Variants in EPHA7 observed in about 807,000 individuals in gnomAD.
EPHA7 encodes the protein ephrin type-A receptor 7.
A neutral mutation model predicts 112.6 loss-of-function variants in EPHA7; 25 were observed. The observed-to-expected ratio is 0.22, with a 90% confidence interval of 0.16 to 0.31. The LOEUF (loss-of-function observed/expected upper bound fraction) is 0.31, where lower values mean the gene tolerates loss of function less well. Ranked by LOEUF, EPHA7 falls within the 10% of genes least tolerant of loss-of-function variation. EPHA7 has a pLI of 1.00. For missense variants in EPHA7, 962 were observed against 1,212.6 expected (o/e 0.79, Z 3.07); for synonymous variants, 437 against 406.5 (o/e 1.07, Z -0.90).
At chr6:93,311,163 G>A (rs930031319) in intron 5 of EPHA7, among the ~76,000 whole-genome samples, 1 of 118,946 alleles carries the variant, frequency 8.4e-6, no homozygotes, top group Non-Finnish European at 1.6e-5. Flanking sequence ...AACATCTCAC[G>A]ATGTTACTCA....
intron 8 of EPHA7, among the ~76,000 whole-genome samples, 198 bp downstream of exon 8, chr6:93,264,396 C>T (rs1204270277): frequency 6.6e-6 from 1 of 151,456 alleles, no homozygotes; most frequent in Non-Finnish European, 1.5e-5. Flanking sequence ...TACTCATTCT[C>T]TTTAAATGAA....
At position 93,296,703 on chromosome 6, in the gene EPHA7, GA is replaced by G. The variant is rs145555803; in HGVS notation, c.1325-24282del. On this transcript the variant is annotated intron_variant, in intron 5 of 16. Coordinates refer to ENST00000369303, the MANE Select transcript of EPHA7 (RefSeq NM_004440.4). Reference sequence around the variant, plus strand: ...TTACCAGGGATAAGAAGGGGGTGAGGAGAAAATGGCATGATGCAGGTCAGAG... The same window carrying G: ...TTACCAGGGATAAGAAGGGGGTGAGGGAAAATGGCATGATGCAGGTCAGAG... 8.6e-5 allele frequency among the ~76,000 whole-genome samples: 13 copies of G among 151,670 alleles called. No individual in the cohort carries two copies. In the East Asian group the frequency reaches 2.5e-3, roughly 29 times the overall value.
At chr6:93,324,663 G>A (rs1774230523) in intron 5 of EPHA7, among the ~76,000 whole-genome samples, 1 of 151,388 alleles carries the variant, frequency 6.6e-6, no homozygotes, top group Non-Finnish European at 1.5e-5. Flanking sequence ...GCAAGTAGGG[G>A]AATTCCATTC....
intron 5 of EPHA7, among the ~76,000 whole-genome samples, chr6:93,297,592 G>A (rs1562078228): frequency 6.6e-6 from 1 of 151,978 alleles, no homozygotes; most frequent in Non-Finnish European, 1.5e-5. Flanking sequence ...CTGTATAGCC[G>A]TTCTAAACCA....
At chr6:93,257,967 A>T in intron 11 of EPHA7, 132 bp downstream of exon 11, 1 of 815,292 alleles carries the variant, frequency 1.2e-6, no homozygotes, top group Non-Finnish European at 1.8e-6. Context: ...TTTTTTGATT[A>T]GTTACATACC....
At chr6:93,243,570 G>T (rs1286521822) in intron 16 of EPHA7, 30 bp from the exon 17 acceptor site, 1 of 1,458,106 alleles carries the variant, frequency 6.9e-7, no homozygotes, top group Non-Finnish European at 9.6e-7. Context: ...TTTTTATTAG[G>T]TACCTTACAA....
intron 5 of EPHA7, among the ~76,000 whole-genome samples, chr6:93,325,638 A>G (rs1437210633): frequency 1.3e-5 from 2 of 151,394 alleles, no homozygotes; most frequent in Non-Finnish European, 3.0e-5. Flanking sequence ...AAAAATTCCA[A>G]CAAAATGAAC....
intron 10 of EPHA7, among the ~76,000 whole-genome samples, chr6:93,258,784 T>G (rs1460468471): frequency 6.6e-6 from 1 of 150,874 alleles, no homozygotes; most frequent in Non-Finnish European, 1.5e-5. Context: ...AAGAAAATAT[T>G]TATTAAATAT....
intron 16 of EPHA7, among the ~76,000 whole-genome samples, chr6:93,243,862 A>T (rs1197475195): frequency 6.6e-6 from 1 of 152,122 alleles, no homozygotes; most frequent in Non-Finnish European, 1.5e-5. Context: ...GTTATTTGAA[A>T]TGTTGTATTC....
chr6:93,253,332 T>C (rs1770298716), intron 14 of EPHA7, among the ~76,000 whole-genome samples: 1 of 152,214 alleles, frequency 6.6e-6, no homozygotes, highest in Non-Finnish European at 1.5e-5. Flanking sequence ...CATCATCCAA[T>C]TCAAAATATC....
intron 2 of EPHA7, among the ~76,000 whole-genome samples, chr6:93,412,050 A>G (rs541978079): frequency 6.6e-6 from 1 of 152,228 alleles, no homozygotes; most frequent in South Asian, 2.1e-4. Context: ...ATTAAACCAT[A>G]TATAATATTC....
At chr6:93,360,451 T>C (rs1254985521) in intron 3 of EPHA7, among the ~76,000 whole-genome samples, 3 of 152,108 alleles carry the variant, frequency 2.0e-5, no homozygotes, top group Non-Finnish European at 2.9e-5. Context: ...AAGAGGTGTG[T>C]GCTGACAAGT....
At chr6:93,347,817 C>T (rs1775477011) in intron 5 of EPHA7, among the ~76,000 whole-genome samples, 2 of 151,706 alleles carry the variant, frequency 1.3e-5, no homozygotes, top group African/African-American at 2.4e-5. Context: ...AGGGCTTCAG[C>T]ATAGGAATTT....
At chr6:93,248,441 T>G (rs1582385915) in intron 14 of EPHA7, among the ~76,000 whole-genome samples, 1 of 152,128 alleles carries the variant, frequency 6.6e-6, no homozygotes, top group Non-Finnish European at 1.5e-5. Flanking sequence ...AAAATTTATA[T>G]AAGTATAAAA....
rs1489759783 is a variant in EPHA7 at position 93,410,541 on chromosome 6, G to A, written c.792C>T (p.Ile264=). 1.2e-6 allele frequency: 2 copies of A among 1,613,816 alleles called. No homozygotes were observed. The highest frequency in any genetic ancestry group is 8.5e-7 in the Non-Finnish European group (1 of 1,179,888). ...GEWLVPIGKC[I]CKAGYQQKGD... ...CTTTTTGCTGGTAGCCTGCTTTGCA[G>A]ATACATTTTCCAATGGGCACTAACC... Residue 264 remains isoleucine (I), a synonymous_variant, in exon 3 of 17, where the codon ATC becomes ATT. Coordinates refer to ENST00000369303, the MANE Select transcript of EPHA7 (RefSeq NM_004440.4). The surrounding 1 kb of genome is among the most constrained non-coding windows in gnomAD (Gnocchi z 4.0).
At chr6:93,270,815 C>T (rs1234404487) in intron 6 of EPHA7, among the ~76,000 whole-genome samples, 1 of 151,708 alleles carries the variant, frequency 6.6e-6, no homozygotes, top group Non-Finnish European at 1.5e-5. Flanking sequence ...AGGCATAACT[C>T]AGGTGACACA....
intron 3 of EPHA7, among the ~76,000 whole-genome samples, chr6:93,394,137 A>C (rs2127983382): frequency 6.6e-6 from 1 of 151,982 alleles, no homozygotes; most frequent in South Asian, 2.1e-4. Flanking sequence ...CACCACCACA[A>C]CCACCATTAC....
chr6:93,361,130 T>C (rs896444846), intron 3 of EPHA7, among the ~76,000 whole-genome samples: 4 of 152,088 alleles, frequency 2.6e-5, no homozygotes, highest in South Asian at 2.1e-4. Context: ...TGCACAATTA[T>C]GGAATATATG....
At chr6:93,247,806 T>G (rs1770025700) in intron 14 of EPHA7, among the ~76,000 whole-genome samples, 1 of 152,290 alleles carries the variant, frequency 6.6e-6, no homozygotes, top group Non-Finnish European at 1.5e-5. Context: ...TTATATCCAA[T>G]AGCCTAAAAA....
Sources: gnomAD v4.1 joint callset for allele counts (sites outside exome capture counted in the v4.1 genomes callset) on GRCh38, gnomAD v4.1.1 for gene constraint, Gnocchi (gnomAD v3.1) non-coding constraint, MANE v1.5 for transcripts, NCBI Gene and HGNC (gene_info 2026-07-23, HGNC 2026-07-21) for gene names.